GLIS3: variants seen among roughly 807,000 people sequenced by gnomAD.
GLIS3 encodes GLIS family zinc finger 3, also known as zinc finger protein GLIS3.
A neutral mutation model predicts 78.6 loss-of-function variants in GLIS3; 53 were observed. The ratio of observed to expected loss-of-function variants is 0.67; its 90% CI spans 0.54 to 0.85. GLIS3 has a LOEUF of 0.85. GLIS3 is among the 40% of genes least tolerant of loss of function. The pLI is 0.00. For synonymous variants in GLIS3, 684 were observed against 509.9 expected, an observed-to-expected ratio of 1.34 and a Z score of -4.60; for missense variants, 1,703 against 1,231.1, an observed-to-expected ratio of 1.38 and a Z score of -5.74.
intron 4 of GLIS3, among the ~76,000 whole-genome samples, chr9:4,024,036 A>AC (rs202241570): frequency 0.017 from 1,709 of 103,164 alleles, 38 homozygotes; most frequent in African/African-American, 0.065. Context: ...AAAAAAAAAC[A>AC]AAAAAAAAAA....
chr9:3,958,601 A>G (rs1396252009), intron 4 of GLIS3, among the ~76,000 whole-genome samples: 1 of 152,130 alleles, frequency 6.6e-6, no homozygotes, highest in Non-Finnish European at 1.5e-5. Context: ...TTGGGCTTCT[A>G]CTCTGGGCTG....
the GLIS3 span, among the ~76,000 whole-genome samples, chr9:4,353,885 T>A: frequency 6.6e-6 from 1 of 152,114 alleles, no homozygotes; most frequent in African/African-American, 2.4e-5. Flanking sequence ...TGGAGTGCAG[T>A]GGCGCGACCT....
chr9:4,094,649 A>G (rs1206783898), intron 4 of GLIS3, among the ~76,000 whole-genome samples: 1 of 152,066 alleles, frequency 6.6e-6, no homozygotes, highest in Non-Finnish European at 1.5e-5. Flanking sequence ...AAATCCAAAT[A>G]CTCTCATTTC....
chr9:3,999,187 C>G (rs938547215), intron 4 of GLIS3, among the ~76,000 whole-genome samples: 1 of 152,078 alleles, frequency 6.6e-6, no homozygotes. Context: ...TCTCTATAGT[C>G]GCAGATTTGA....
chr9:4,469,844 G>C, the GLIS3 span, among the ~76,000 whole-genome samples: 1 of 152,060 alleles, frequency 6.6e-6, no homozygotes, highest in African/African-American at 2.4e-5. Flanking sequence ...ATGAATCTAG[G>C]AGCTGTTTTT....
intron 2 of GLIS3, among the ~76,000 whole-genome samples, chr9:4,230,437 C>G (rs1166019986): frequency 6.6e-6 from 1 of 152,126 alleles, no homozygotes; most frequent in African/African-American, 2.4e-5. Context: ...GGGCCTCCTC[C>G]CTTCTCTGAA....
intron 4 of GLIS3, among the ~76,000 whole-genome samples, chr9:3,993,860 T>G (rs2129819432): frequency 1.3e-5 from 2 of 152,340 alleles, no homozygotes; most frequent in East Asian, 3.9e-4. Flanking sequence ...TTATAAATAA[T>G]TTGCAGTGCT....
intron 7 of GLIS3, among the ~76,000 whole-genome samples, chr9:3,893,403 T>G (rs1822592991): frequency 6.6e-6 from 1 of 152,202 alleles, no homozygotes; most frequent in Admixed American, 6.5e-5. Context: ...ACTGCAAACA[T>G]GCAGATGAGC....
At chr9:4,307,945 T>C (rs1817270106) in intron 4 of GLIS3, among the ~76,000 whole-genome samples, 1 of 152,164 alleles carries the variant, frequency 6.6e-6, no homozygotes, top group African/African-American at 2.4e-5. Flanking sequence ...TTTAGGGTGC[T>C]ATTTAGGGTA....
At chr9:4,086,370 C>T (rs10814834) in intron 4 of GLIS3, among the ~76,000 whole-genome samples, 59,746 of 151,998 alleles carry the variant, frequency 0.39, 12,124 homozygotes, top group Admixed American at 0.45. Flanking sequence ...ATCTCCATCA[C>T]ATCGCTGAAT....
intron 7 of GLIS3, among the ~76,000 whole-genome samples, chr9:3,884,134 G>T (rs1254191200): frequency 6.6e-6 from 1 of 152,136 alleles, no homozygotes; most frequent in East Asian, 1.9e-4. Context: ...AGGTTAATTT[G>T]GTTAGTATGC....
At chr9:4,351,143 G>A (rs1265964385), upstream of GLIS3, among the ~76,000 whole-genome samples, 1 of 152,086 alleles carries the variant, frequency 6.6e-6, no homozygotes, top group Non-Finnish European at 1.5e-5. Context: ...TACACTTACA[G>A]GGAGCTGGAG....
chr9:4,128,535 C>T (rs1832739283), intron 2 of GLIS3, among the ~76,000 whole-genome samples: 2 of 152,198 alleles, frequency 1.3e-5, no homozygotes, highest in African/African-American at 4.8e-5. Flanking sequence ...ATATTAAATA[C>T]TGACAAGTTA....
At chr9:3,985,516 A>G in intron 4 of GLIS3, among the ~76,000 whole-genome samples, 1 of 152,196 alleles carries the variant, frequency 6.6e-6, no homozygotes. Flanking sequence ...CATTAATTAC[A>G]AAGCATTGCT....
chr9:3,888,135 AAG>A (rs1167718917), intron 7 of GLIS3, among the ~76,000 whole-genome samples: 1 of 152,168 alleles, frequency 6.6e-6, no homozygotes, highest in African/African-American at 2.4e-5. Flanking sequence ...GGCAGAAAAA[AAG>A]GAGAAAGACG....
chr9:4,331,066 T>C (rs138354705), intron 2 of GLIS3, among the ~76,000 whole-genome samples: 183 of 152,294 alleles, frequency 1.2e-3, no homozygotes, highest in Non-Finnish European at 2.1e-3. Context: ...TAAGGCTGCA[T>C]AACAAATTAG....
chr9:4,107,035 T>C (rs948473211), intron 4 of GLIS3, among the ~76,000 whole-genome samples: 7 of 151,962 alleles, frequency 4.6e-5, no homozygotes, highest in African/African-American at 1.7e-4. Context: ...ATGGTTGGGC[T>C]GGGAAAGATT....
chr9:4,116,082 C>A (rs561550806), intron 4 of GLIS3, among the ~76,000 whole-genome samples: 2 of 152,086 alleles, frequency 1.3e-5, no homozygotes. Context: ...CAAAGCCTGG[C>A]AACAGTAGAA....
At chr9:3,941,191 G>C (rs894134629) in intron 4 of GLIS3, among the ~76,000 whole-genome samples, 2 of 152,100 alleles carry the variant, frequency 1.3e-5, no homozygotes, top group Admixed American at 1.3e-4. Context: ...CAAAAGTAAA[G>C]CATTTTGCAG....
Sources: allele counts gnomAD v4.1 joint callset (sites outside exome capture counted in the v4.1 genomes callset), GRCh38; gene constraint gnomAD v4.1.1; transcripts MANE v1.5; gene names NCBI Gene and HGNC (gene_info 2026-07-23, HGNC 2026-07-21).